NXPE2: variants seen among roughly 807,000 people sequenced by gnomAD.
The protein encoded by NXPE2 is neurexophilin and PC-esterase domain family member 2, also known as NXPE family member 2.
In NXPE2, 34 loss-of-function variants were observed where a neutral mutation model predicts 34.4. That is an observed-to-expected ratio of 0.99 (90% CI 0.75 to 1.31). The LOEUF is 1.31. Among genes scored for constraint, NXPE2 ranks in the 40% most tolerant of loss-of-function variants. NXPE2 has a pLI of 0.00. For synonymous variants in NXPE2, 235 were observed against 231.3 expected, an observed-to-expected ratio of 1.02 and a Z score of -0.15; for missense variants, 649 against 672.5, an observed-to-expected ratio of 0.97 and a Z score of 0.39.
chr11:114,716,752 T>C, the NXPE2 span, among the ~76,000 whole-genome samples: 1 of 152,316 alleles, frequency 6.6e-6, no homozygotes, highest in South Asian at 2.1e-4. Context: ...GAAGGCAGTT[T>C]GGTATCAGTC....
chr11:114,501,857 G>A, the NXPE2 span, among the ~76,000 whole-genome samples: 1 of 152,180 alleles, frequency 6.6e-6, no homozygotes. Flanking sequence ...GAAGTCCAGG[G>A]TTTGGCTGGA....
chr11:114,557,769 T>C, the NXPE2 span, among the ~76,000 whole-genome samples: 2 of 151,358 alleles, frequency 1.3e-5, no homozygotes, highest in East Asian at 3.9e-4. Flanking sequence ...TATCTTCTGC[T>C]TCAAGAACTA....
chr11:114,575,379 A>T, the NXPE2 span, among the ~76,000 whole-genome samples: 1 of 152,106 alleles, frequency 6.6e-6, no homozygotes, highest in African/African-American at 2.4e-5. Flanking sequence ...GGACATCCGA[A>T]TTGGTAAAGA....
At chr11:114,473,997 AAG>A in the NXPE2 span, among the ~76,000 whole-genome samples, 1 of 152,300 alleles carries the variant, frequency 6.6e-6, no homozygotes, top group Admixed American at 6.5e-5. Flanking sequence ...GGGGGCGAGA[AAG>A]AGAGAGTTAA....
At chr11:114,489,637 G>C in the NXPE2 span, among the ~76,000 whole-genome samples, 1 of 152,258 alleles carries the variant, frequency 6.6e-6, no homozygotes, top group South Asian at 2.1e-4. Context: ...TGCAGAAAAG[G>C]CCTTTGACAA....
chr11:114,795,503 C>T, the NXPE2 span, among the ~76,000 whole-genome samples: 3 of 152,138 alleles, frequency 2.0e-5, no homozygotes, highest in South Asian at 2.1e-4. Context: ...ACCCAGTTTC[C>T]AACTTTGGAT....
the NXPE2 span, among the ~76,000 whole-genome samples, chr11:114,605,098 A>G: frequency 6.0e-5 from 9 of 151,258 alleles, no homozygotes; most frequent in African/African-American, 2.2e-4. Flanking sequence ...CCTCGTGGGT[A>G]ACAGCTGTTA....
At chr11:114,562,699 A>G in the NXPE2 span, among the ~76,000 whole-genome samples, 1 of 152,198 alleles carries the variant, frequency 6.6e-6, no homozygotes, top group African/African-American at 2.4e-5. Context: ...GTTGTATCCA[A>G]TCACACAAGC....
At chr11:114,707,488 G>A (rs780328546), downstream of NXPE2, 12 of 345,560 alleles carry the variant, frequency 3.5e-5, no homozygotes, top group East Asian at 1.2e-4. Flanking sequence ...TCTGCCTCCC[G>A]GGTTCAAGCG....
chr11:114,475,237 T>TG, the NXPE2 span, among the ~76,000 whole-genome samples: 2 of 55,428 alleles, frequency 3.6e-5, no homozygotes, highest in Admixed American at 1.7e-4. Context: ...TTTTTTTTTT[T>TG]TTTTTTTTTT....
At chr11:114,709,214 T>C (rs1591449115), downstream of NXPE2, among the ~76,000 whole-genome samples, 1 of 152,250 alleles carries the variant, frequency 6.6e-6, no homozygotes, top group African/African-American at 2.4e-5. Flanking sequence ...AGTGGTACTA[T>C]ACAGATAGCA....
intron 2 of NXPE2, among the ~76,000 whole-genome samples, chr11:114,688,718 G>A (rs1464297209): frequency 6.6e-6 from 1 of 151,792 alleles, no homozygotes; most frequent in Admixed American, 6.6e-5. Context: ...GTAATCCAGG[G>A]CTTTTTCTGC....
the NXPE2 span, among the ~76,000 whole-genome samples, chr11:114,631,157 G>T: frequency 1.4e-4 from 21 of 152,080 alleles, no homozygotes; most frequent in African/African-American, 4.8e-4. Flanking sequence ...ATTTGACCCA[G>T]CCATCCCATT....
chr11:114,541,199 T>C, the NXPE2 span, among the ~76,000 whole-genome samples: 1 of 151,994 alleles, frequency 6.6e-6, no homozygotes, highest in African/African-American at 2.4e-5. Context: ...GAATCCGTGG[T>C]TTCCACAACA....
chr11:114,721,566 A>C, the NXPE2 span, among the ~76,000 whole-genome samples: 2 of 152,218 alleles, frequency 1.3e-5, no homozygotes, highest in African/African-American at 4.8e-5. Flanking sequence ...GTGGAGGATT[A>C]GCTGACAGGA....
the NXPE2 span, among the ~76,000 whole-genome samples, chr11:114,631,912 C>T: frequency 2.6e-5 from 4 of 151,294 alleles, no homozygotes; most frequent in South Asian, 8.3e-4. Context: ...TCGTGGGTCA[C>T]TACTGTTACC....
At chr11:114,537,872 A>C in the NXPE2 span, among the ~76,000 whole-genome samples, 1 of 152,002 alleles carries the variant, frequency 6.6e-6, no homozygotes, top group South Asian at 2.1e-4. Flanking sequence ...TAATTTATAG[A>C]TTCAATGCCA....
At chr11:114,609,504 GATA>G in the NXPE2 span, among the ~76,000 whole-genome samples, 1 of 151,806 alleles carries the variant, frequency 6.6e-6, no homozygotes, top group African/African-American at 2.4e-5. Context: ...TTACCTGGTG[GATA>G]ATAAGTACTG....
At chr11:114,730,466 C>T in the NXPE2 span, among the ~76,000 whole-genome samples, 115 of 152,264 alleles carry the variant, frequency 7.6e-4, no homozygotes, top group Non-Finnish European at 1.2e-3. Context: ...ATAGGAATAG[C>T]ATTGAATCTG....
Sources: gnomAD v4.1 joint callset for allele counts (sites outside exome capture counted in the v4.1 genomes callset) on GRCh38, gnomAD v4.1.1 for gene constraint, MANE v1.5 for transcripts, NCBI Gene and HGNC (gene_info 2026-07-23, HGNC 2026-07-21) for gene names.